The following PSD3 variants were observed in gnomAD, a reference collection of about 807,000 sequenced individuals.
The protein encoded by PSD3 is PH and SEC7 domain-containing protein 3.
Under a neutral mutation model 105.5 loss-of-function variants are expected in PSD3, and 49 were observed. The ratio of observed to expected loss-of-function variants is 0.46; its 90% CI spans 0.37 to 0.59. The LOEUF is 0.59. Ranked by LOEUF, PSD3 falls within the 20% of genes least tolerant of loss-of-function variation. The pLI, the probability that PSD3 is intolerant of heterozygous loss-of-function variation, is 0.00. For missense variants in PSD3, 1,561 were observed against 1,263.8 expected (o/e 1.24, Z -3.57); for synonymous variants, 557 against 457.8 (o/e 1.22, Z -2.77).
At chr8:18,764,027 G>T (rs1806764836) in intron 9 of PSD3, among the ~76,000 whole-genome samples, 1 of 152,120 alleles carries the variant, frequency 6.6e-6, no homozygotes, top group Non-Finnish European at 1.5e-5. Flanking sequence ...GTAGCCTCTG[G>T]ACTGTATATT....
At chr8:19,053,921 A>G (rs181031066) in intron 1 of PSD3, among the ~76,000 whole-genome samples, 2 of 152,352 alleles carry the variant, frequency 1.3e-5, no homozygotes, top group East Asian at 3.9e-4. Flanking sequence ...GGAAGGTTGC[A>G]GTCTTGGAGT....
chr8:18,878,835 C>A (rs564420709), intron 2 of PSD3, among the ~76,000 whole-genome samples: 3 of 152,184 alleles, frequency 2.0e-5, no homozygotes, highest in Non-Finnish European at 4.4e-5. Flanking sequence ...CTTAAAGCTT[C>A]CAAAGGCAAT....
intron 1 of PSD3, among the ~76,000 whole-genome samples, chr8:19,007,012 T>TGGGAG (rs1419865684): frequency 1.3e-5 from 2 of 151,966 alleles, no homozygotes; most frequent in Admixed American, 1.3e-4. Flanking sequence ...CCCAGCAATT[T>TGGGAG]GGGAGGCTGA....
At chr8:18,641,125 A>G (rs1807611194) in intron 10 of PSD3, among the ~76,000 whole-genome samples, 1 of 152,230 alleles carries the variant, frequency 6.6e-6, no homozygotes, top group African/African-American at 2.4e-5. Flanking sequence ...TCTAGCCAGA[A>G]CATTACAGAA....
rs969845645 is a variant in PSD3, at chr8:19,022,891, G to C, written c.324+61315C>G. On this transcript the variant is annotated intron_variant, in intron 1 of 1. Coordinates refer to the PSD3 transcript ENST00000521475. The stretch of plus-strand genomic sequence containing the variant: ...TTTTTTTTTTTTAATCTGTGCATGG[G>C]GTAGATGTTGTCCCAAATCCACTTG... Among the ~76,000 whole-genome samples the C allele has an allele frequency of 2.6e-5, 4 of 151,390 alleles. No individual in the cohort carries two copies. The South Asian group carries it at 8.4e-4, about 32-fold the overall frequency.
At chr8:18,728,541 G>C (rs1286177854) in intron 9 of PSD3, among the ~76,000 whole-genome samples, 1 of 152,158 alleles carries the variant, frequency 6.6e-6, no homozygotes, top group East Asian at 1.9e-4. Flanking sequence ...TTAGAGGCAA[G>C]ACAGAGTGTT....
Position 18,556,250 on chromosome 8 carries a change from C to T in PSD3, c.2887G>A (p.Val963Ile), listed in dbSNP as rs776595281. The T allele has an allele frequency of 9.3e-6, 15 of 1,614,148 alleles. No individual in the cohort carries two copies. Among genetic ancestry groups the T allele is most frequent in the Admixed American group, 8.3e-5 (5 of 60,016 alleles). Residue 963 changes from valine to isoleucine, a missense_variant, in exon 15 of 16, where the codon GTC becomes ATC. Coordinates refer to ENST00000327040, the MANE Select transcript of PSD3 (RefSeq NM_015310.4). ...PPDKKVKAKD[V>I]DEYKLKDHYL... ...TGGTCTTTCAGTTTGTACTCATCGA[C>T]GTCCTTGGCTTTGACCTTCTTGTCG...
intron 4 of PSD3, among the ~76,000 whole-genome samples, chr8:18,821,717 A>ACACACACACACACC (rs1554513425): frequency 0.017 from 2,339 of 141,048 alleles, 32 homozygotes; most frequent in Non-Finnish European, 0.024. Flanking sequence ...ACACACACAC[A>ACACACACACACACC]CCCCAATAAC....
chr8:18,783,058 TA>T (rs1000811670), intron 8 of PSD3, among the ~76,000 whole-genome samples: 4 of 152,196 alleles, frequency 2.6e-5, no homozygotes, highest in South Asian at 2.1e-4. Flanking sequence ...CTGAAGGGTG[TA>T]AAAAAACTGA....
At chr8:18,601,425 G>T (rs1804432679) in intron 11 of PSD3, among the ~76,000 whole-genome samples, 1 of 152,090 alleles carries the variant, frequency 6.6e-6, no homozygotes, top group Admixed American at 6.6e-5. Flanking sequence ...CTTTAACCTG[G>T]ATACCTGATT....
rs73209801 is a variant in PSD3 at position 18,556,792 on chromosome 8, T to G, written c.2785-440A>C. Among the ~76,000 whole-genome samples, 546 of 152,330 alleles carry G rather than the reference T, an allele frequency of 3.6e-3. 2 individuals carry two copies. The highest frequency in any genetic ancestry group is 4.7e-3 in the Non-Finnish European group (318 of 68,034). On this transcript the variant is annotated intron_variant, in intron 14 of 15. Coordinates refer to ENST00000327040, the MANE Select transcript of PSD3 (RefSeq NM_015310.4). Reference sequence around the variant, plus strand: ...ACAATGAATGAATTGTAATTGTCTATGTGCATATTTTTTTTCCTTTTTGAA... The same window carrying G: ...ACAATGAATGAATTGTAATTGTCTAGGTGCATATTTTTTTTCCTTTTTGAA...
At chr8:18,795,290 G>A (rs553071062) in intron 8 of PSD3, among the ~76,000 whole-genome samples, 1 of 152,150 alleles carries the variant, frequency 6.6e-6, no homozygotes, top group South Asian at 2.1e-4. Context: ...CTCTGAGTAT[G>A]TCAAGGGTAA....
At chr8:18,658,625 G>GGATC (rs1809078411) in intron 9 of PSD3, among the ~76,000 whole-genome samples, 1 of 151,528 alleles carries the variant, frequency 6.6e-6, no homozygotes, top group African/African-American at 2.4e-5. Context: ...TGGGCTCAAG[G>GGATC]GATCCTCTTG....
At chr8:19,011,770 A>T (rs199544450) in intron 1 of PSD3, among the ~76,000 whole-genome samples, 2 of 42,812 alleles carry the variant, frequency 4.7e-5, no homozygotes, top group Middle Eastern at 8.2e-3. Context: ...GCTCGCATTT[A>T]AAAAAAAAAA....
At chr8:18,563,039 C>T (rs930692013) in intron 14 of PSD3, among the ~76,000 whole-genome samples, 1 of 152,200 alleles carries the variant, frequency 6.6e-6, no homozygotes, top group African/African-American at 2.4e-5. Flanking sequence ...ATGCTTAGCA[C>T]AAAATATACC....
intron 9 of PSD3, among the ~76,000 whole-genome samples, chr8:18,700,756 C>T (rs1394981437): frequency 2.6e-5 from 4 of 151,750 alleles, no homozygotes; most frequent in Non-Finnish European, 5.9e-5. Flanking sequence ...TCTTTCCTTC[C>T]GTCTAGGGGT....
intron 4 of PSD3, among the ~76,000 whole-genome samples, chr8:18,852,270 T>G (rs117530700): frequency 0.047 from 7,145 of 152,156 alleles, 198 homozygotes; most frequent in Admixed American, 0.084. Flanking sequence ...ACCAGGAAAC[T>G]CAGACCAGGC....
intron 11 of PSD3, among the ~76,000 whole-genome samples, chr8:18,606,579 G>A (rs146439042): frequency 9.8e-4 from 149 of 152,194 alleles, no homozygotes; most frequent in African/African-American, 3.3e-3. Context: ...CTTTTTATAA[G>A]AAGGGAAGAA....
intron 4 of PSD3, among the ~76,000 whole-genome samples, chr8:18,826,458 C>T (rs1479797757): frequency 6.6e-6 from 1 of 152,232 alleles, no homozygotes; most frequent in Non-Finnish European, 1.5e-5. Context: ...GTCCAACTTA[C>T]TATATGGCTC....
Sources: allele counts gnomAD v4.1 joint callset (sites outside exome capture counted in the v4.1 genomes callset), GRCh38; gene constraint gnomAD v4.1.1; transcripts MANE v1.5; gene names NCBI Gene and HGNC (gene_info 2026-07-23, HGNC 2026-07-21).